Variants in ASIC2 observed in about 807,000 individuals in gnomAD.
The protein encoded by ASIC2 is acid-sensing ion channel 2.
ASIC2 carries 25 observed loss-of-function variants against 57.3 expected under a neutral mutation model. That is an observed-to-expected ratio of 0.44 (90% CI 0.32 to 0.61). The LOEUF (loss-of-function observed/expected upper bound fraction) is 0.61. Among genes scored for constraint, ASIC2 ranks in the 20% least tolerant of loss-of-function variants. The probability of loss-of-function intolerance (pLI) is 0.06; values close to 1 mark genes in which losing one functional copy is unlikely to be tolerated. For synonymous variants in ASIC2, 319 were observed against 307.5 expected, an observed-to-expected ratio of 1.04 and a Z score of -0.39; for missense variants, 641 against 738.1, an observed-to-expected ratio of 0.87 and a Z score of 1.52.
chr17:33,693,600 G>A (rs569547377), intron 1 of ASIC2, among the ~76,000 whole-genome samples: 33 of 152,292 alleles, frequency 2.2e-4, no homozygotes, highest in African/African-American at 7.5e-4. Flanking sequence ...AGACTATTCT[G>A]CGGACCAGGT....
chr17:34,121,114 G>T (rs1431207907), intron 1 of ASIC2, among the ~76,000 whole-genome samples: 1 of 152,084 alleles, frequency 6.6e-6, no homozygotes, highest in Non-Finnish European at 1.5e-5. Context: ...GCAGAGATTG[G>T]AGCGAGGCAT....
chr17:34,096,277 A>G (rs890978840), intron 1 of ASIC2, among the ~76,000 whole-genome samples: 1 of 152,154 alleles, frequency 6.6e-6, no homozygotes, highest in African/African-American at 2.4e-5. Context: ...GGAAAGGAGG[A>G]GAAGACTGGA....
At chr17:34,135,018 G>A (rs565851420) in intron 1 of ASIC2, among the ~76,000 whole-genome samples, 129 of 152,314 alleles carry the variant, frequency 8.5e-4, no homozygotes, top group African/African-American at 2.9e-3. Context: ...TAAAAGACTG[G>A]TGACTGTAGA....
chr17:33,166,352 A>G (rs1905305819), intron 1 of ASIC2, among the ~76,000 whole-genome samples: 1 of 152,184 alleles, frequency 6.6e-6, no homozygotes, highest in African/African-American at 2.4e-5. Flanking sequence ...CAAAAAGCTC[A>G]TTGTTGGGGG....
intron 1 of ASIC2, among the ~76,000 whole-genome samples, chr17:33,336,983 TG>T (rs1567826978): frequency 6.6e-6 from 1 of 152,156 alleles, no homozygotes; most frequent in East Asian, 1.9e-4. Context: ...TCAGGGTGCC[TG>T]GGCTGCGTAG....
chr17:33,327,645 G>A (rs1038915222), intron 1 of ASIC2, among the ~76,000 whole-genome samples: 1 of 152,160 alleles, frequency 6.6e-6, no homozygotes, highest in African/African-American at 2.4e-5. Context: ...CGTAATACAT[G>A]TTGTAGAAAT....
chr17:33,763,992 G>A (rs1456833665), intron 1 of ASIC2, among the ~76,000 whole-genome samples: 1 of 152,082 alleles, frequency 6.6e-6, no homozygotes, highest in Non-Finnish European at 1.5e-5. Context: ...GCCTTTTCTA[G>A]TTTAAGAGTC....
At chr17:33,567,158 G>T (rs925094797) in intron 1 of ASIC2, among the ~76,000 whole-genome samples, 3 of 151,750 alleles carry the variant, frequency 2.0e-5, no homozygotes, top group Non-Finnish European at 1.5e-5. Flanking sequence ...GGGTGGCTGT[G>T]GTGGCTGCTT....
intron 1 of ASIC2, among the ~76,000 whole-genome samples, chr17:34,139,961 G>A (rs10468594): frequency 0.74 from 112,529 of 152,206 alleles, 41,692 homozygotes; most frequent in South Asian, 0.85. Context: ...TGTGGATTGG[G>A]GGGGTGAGCT....
chr17:33,229,814 T>A (rs565474194), intron 1 of ASIC2, among the ~76,000 whole-genome samples: 3 of 152,202 alleles, frequency 2.0e-5, no homozygotes, highest in South Asian at 4.1e-4. Context: ...AGATTAGATG[T>A]TTCTCAGGGG....
At chr17:33,895,425 G>A (rs1915071765) in intron 1 of ASIC2, among the ~76,000 whole-genome samples, 2 of 152,006 alleles carry the variant, frequency 1.3e-5, no homozygotes, top group Non-Finnish European at 2.9e-5. Context: ...AGCCTCCCAA[G>A]GCCACCACAC....
chr17:33,582,283 A>G (rs1904470752), intron 1 of ASIC2, among the ~76,000 whole-genome samples: 1 of 152,210 alleles, frequency 6.6e-6, no homozygotes. Context: ...ACAGCCTGAT[A>G]TGTAGTAAAT....
At chr17:33,971,943 A>G (rs1395516301) in intron 1 of ASIC2, among the ~76,000 whole-genome samples, 1 of 152,214 alleles carries the variant, frequency 6.6e-6, no homozygotes, top group Non-Finnish European at 1.5e-5. Context: ...CAACAGAAGT[A>G]ATAATAATAA....
chr17:33,320,259 G>A (rs2142214683), intron 1 of ASIC2, among the ~76,000 whole-genome samples: 1 of 152,258 alleles, frequency 6.6e-6, no homozygotes. Flanking sequence ...TTTTTTTAAG[G>A]AGAAGCTCTG....
At chr17:33,708,325 A>G (rs78494421) in intron 1 of ASIC2, among the ~76,000 whole-genome samples, 4,426 of 152,274 alleles carry the variant, frequency 0.029, 196 homozygotes, top group African/African-American at 0.098. Flanking sequence ...TTGCTATGCA[A>G]AGTTAAATTT....
chr17:33,013,144 C>T lies in ASIC2; in HGVS notation c.*821G>A, dbSNP rs2091786694. 1 of 152,042 alleles carries T rather than the reference C, an allele frequency of 6.6e-6. No homozygotes were observed. The highest frequency in any genetic ancestry group is 1.5e-5 in the Non-Finnish European group (1 of 67,982). 9.4% of individuals were successfully genotyped at this position (152,042 alleles called of 1,614,324 possible). ...ATTTGAAGCACGAATAAATAAATGC[C>T]AAAGAAAATGGAAAAACCAAAGCAA... On this transcript the variant is annotated 3_prime_UTR_variant, in exon 10 of 10. Transcript: ENST00000225823.
intron 1 of ASIC2, among the ~76,000 whole-genome samples, chr17:33,116,077 A>T (rs1162835008): frequency 6.6e-6 from 1 of 152,200 alleles, no homozygotes; most frequent in African/African-American, 2.4e-5. Context: ...ATTAGAGGAA[A>T]TAATCCTTTT....
intron 1 of ASIC2, among the ~76,000 whole-genome samples, chr17:34,128,485 T>C (rs1324688984): frequency 6.6e-6 from 1 of 152,076 alleles, no homozygotes; most frequent in Non-Finnish European, 1.5e-5. Context: ...AATGTGATAG[T>C]AGAGGAGGAG....
intron 1 of ASIC2, among the ~76,000 whole-genome samples, chr17:33,298,830 C>T (rs1451805195): frequency 1.3e-5 from 2 of 152,156 alleles, no homozygotes; most frequent in African/African-American, 4.8e-5. Flanking sequence ...GAGTGAACTC[C>T]CATTCACAAT....
Sources: gnomAD v4.1 joint callset for allele counts (sites outside exome capture counted in the v4.1 genomes callset) on GRCh38, gnomAD v4.1.1 for gene constraint, MANE v1.5 for transcripts, NCBI Gene and HGNC (gene_info 2026-07-23, HGNC 2026-07-21) for gene names.